Variants in ACACA observed in about 807,000 individuals in gnomAD.
ACACA encodes acetyl-CoA carboxylase 1.
A neutral mutation model predicts 296.1 loss-of-function variants in ACACA; 103 were observed. The ratio of observed to expected loss-of-function variants is 0.35; its 90% confidence interval spans 0.30 to 0.41. The LOEUF (loss-of-function observed/expected upper bound fraction) is 0.41. Ranked by LOEUF, ACACA falls within the 10% of genes least tolerant of loss-of-function variation. The pLI is 1.00. For missense variants in ACACA, 1,554 were observed against 2,989.7 expected, an observed-to-expected ratio of 0.52 and a Z score of 11.20; for synonymous variants, 953 against 1,038.6, an observed-to-expected ratio of 0.92 and a Z score of 1.58.
Position 37,161,840 on chromosome 17 carries a change from C to G in ACACA, c.5290G>C (p.Ala1764Pro). The G allele has an allele frequency of 6.2e-7, 1 of 1,614,080 alleles. No individual in the cohort carries two copies. The highest frequency in any genetic ancestry group is 8.5e-7 in the Non-Finnish European group (1 of 1,180,020). ...SANSGARIGL[A>P]EEIRHMFHVA... is the part of the protein sequence containing the mutation. ...TGAAACATATGGCGAATTTCTTCTG[C>G]CAGTCCGATTCTTGCTCCACTGTTG... Residue 1764 changes from alanine to proline, a missense_variant, in exon 42 of 56, where the codon GCA (alanine) becomes CCA (proline). Ala to Pro is a conservative substitution (Grantham distance 27, BLOSUM62 -1). This residue lies in a region of ACACA where 553 missense variants were observed against 1,043.6 expected (regional missense o/e 0.53). Transcript: ENST00000616317.
At chr17:37,395,635 G>A (rs1028817407) in intron 1 of ACACA, among the ~76,000 whole-genome samples, 6 of 152,068 alleles carry the variant, frequency 3.9e-5, no homozygotes, top group African/African-American at 7.2e-5. Flanking sequence ...ACCTCCGCCC[G>A]GGTTCAAACC....
intron 43 of ACACA, among the ~76,000 whole-genome samples, chr17:37,153,027 C>G (rs2076103910): frequency 6.6e-6 from 1 of 152,160 alleles, no homozygotes; most frequent in Non-Finnish European, 1.5e-5. Context: ...TATCTAGACT[C>G]TATCCTAAAG....
At chr17:37,220,806 T>C (rs1475073838) in intron 29 of ACACA, among the ~76,000 whole-genome samples, 2 of 152,202 alleles carry the variant, frequency 1.3e-5, no homozygotes, top group Non-Finnish European at 2.9e-5. Context: ...GGGTTTCTAT[T>C]GCTTTGGGTG....
chr17:37,304,432 C>T (rs2083770984), intron 3 of ACACA, among the ~76,000 whole-genome samples: 1 of 152,130 alleles, frequency 6.6e-6, no homozygotes, highest in African/African-American at 2.4e-5. Context: ...ACTGGGATTA[C>T]AAGCATGAGC....
At chr17:37,101,974 A>ATC (rs71159686) in intron 52 of ACACA, among the ~76,000 whole-genome samples, 78,792 of 141,096 alleles carry the variant, frequency 0.56, 22,364 homozygotes, top group African/African-American at 0.77. Context: ...AGGATCACAT[A>ATC]TCATAATCAC....
intron 51 of ACACA, among the ~76,000 whole-genome samples, chr17:37,112,586 C>T (rs955526445): frequency 3.3e-5 from 5 of 152,120 alleles, no homozygotes; most frequent in African/African-American, 9.7e-5. Context: ...TAATAAACCC[C>T]TAAGTACAGA....
At chr17:37,395,896 A>G (rs1186910728) in intron 1 of ACACA, among the ~76,000 whole-genome samples, 4 of 152,234 alleles carry the variant, frequency 2.6e-5, no homozygotes, top group African/African-American at 9.6e-5. Flanking sequence ...GATAGGCCCA[A>G]AAATTAAGAT....
chr17:37,291,858 A>T (rs959725247), intron 3 of ACACA, among the ~76,000 whole-genome samples: 1 of 152,208 alleles, frequency 6.6e-6, no homozygotes, highest in Non-Finnish European at 1.5e-5. Context: ...TTATCAAAAA[A>T]TTAAGATAAA....
At chr17:37,312,094 A>G (rs2084177508) in intron 3 of ACACA, among the ~76,000 whole-genome samples, 1 of 152,060 alleles carries the variant, frequency 6.6e-6, no homozygotes, top group Admixed American at 6.6e-5. Flanking sequence ...CATTAAAAAG[A>G]AAAAAAGGAG....
At chr17:37,187,405 T>C (rs1688428454) in intron 39 of ACACA, among the ~76,000 whole-genome samples, 1 of 152,260 alleles carries the variant, frequency 6.6e-6, no homozygotes, top group South Asian at 2.1e-4. Flanking sequence ...CCCTTGTTTA[T>C]GTATACTGGA....
At chr17:37,136,072 C>T (rs2075319014) in intron 45 of ACACA, among the ~76,000 whole-genome samples, 2 of 151,854 alleles carry the variant, frequency 1.3e-5, no homozygotes, top group South Asian at 2.1e-4. Context: ...TAAATAAAGT[C>T]TGGTTTATTG....
intron 1 of ACACA, among the ~76,000 whole-genome samples, chr17:37,358,704 A>T (rs1053104815): frequency 6.6e-5 from 10 of 152,044 alleles, no homozygotes; most frequent in Non-Finnish European, 1.2e-4. Flanking sequence ...CTCCAGGCAG[A>T]AACTCCAGCC....
intron 35 of ACACA, among the ~76,000 whole-genome samples, chr17:37,198,818 C>G (rs1487401076): frequency 6.6e-6 from 1 of 152,136 alleles, no homozygotes; most frequent in Non-Finnish European, 1.5e-5. Flanking sequence ...ACCTAATAAA[C>G]AAAAAGGTAA....
chr17:37,380,175 A>G (rs1396344647), intron 1 of ACACA, among the ~76,000 whole-genome samples: 4 of 151,496 alleles, frequency 2.6e-5, no homozygotes, highest in Non-Finnish European at 5.9e-5. Context: ...TATCACAAGA[A>G]CAAAAAACCA....
At chr17:37,279,284 T>C (rs779894084) in intron 5 of ACACA, among the ~76,000 whole-genome samples, 1 of 152,186 alleles carries the variant, frequency 6.6e-6, no homozygotes, top group Non-Finnish European at 1.5e-5. Flanking sequence ...AAGGAAAGCA[T>C]GCAAATTATT....
intron 3 of ACACA, among the ~76,000 whole-genome samples, chr17:37,291,207 C>A (rs1034909539): frequency 1.5e-5 from 2 of 135,564 alleles, no homozygotes; most frequent in Non-Finnish European, 3.1e-5. Context: ...TGGAGTTTCG[C>A]TCTTGTTGCC....
At chr17:37,230,413 A>G (rs557570688) in intron 25 of ACACA, among the ~76,000 whole-genome samples, 15 of 110,040 alleles carry the variant, frequency 1.4e-4, no homozygotes, top group African/African-American at 3.6e-4. Flanking sequence ...TAAATAAATA[A>G]ATAAATAAAT....
intron 45 of ACACA, among the ~76,000 whole-genome samples, chr17:37,138,262 A>T (rs1037283889): frequency 3.3e-5 from 5 of 152,232 alleles, no homozygotes; most frequent in African/African-American, 1.2e-4. Context: ...TGCACAGGGA[A>T]CATTCCCTAG....
chr17:37,221,544 AT>A, intron 29 of ACACA, 179 bp downstream of exon 29: 1 of 682,522 alleles, frequency 1.5e-6, no homozygotes. Context: ...TTAGACCATA[AT>A]TTTTCTCTTT....
Sources: allele counts gnomAD v4.1 joint callset (sites outside exome capture counted in the v4.1 genomes callset), GRCh38; gene constraint gnomAD v4.1.1; regional missense constraint gnomAD v4.1.1; transcripts MANE v1.5; gene names NCBI Gene and HGNC (gene_info 2026-07-23, HGNC 2026-07-21).